EPHA3: variants seen among roughly 807,000 people sequenced by gnomAD.
EPHA3 encodes the protein ephrin type-A receptor 3.
In EPHA3, 42 loss-of-function variants were observed where a neutral mutation model predicts 107.1. That is an observed-to-expected ratio of 0.39 (90% CI 0.31 to 0.51). The LOEUF (loss-of-function observed/expected upper bound fraction) is 0.51. Ranked by LOEUF, EPHA3 falls within the 20% of genes least tolerant of loss-of-function variation. EPHA3 has a pLI of 0.78. For synonymous variants in EPHA3, 461 were observed against 424.8 expected, an observed-to-expected ratio of 1.09 and a Z score of -1.05; for missense variants, 1,183 against 1,211.2, an observed-to-expected ratio of 0.98 and a Z score of 0.35.
At chr3:89,288,566 G>A (rs1383919351) in intron 3 of EPHA3, among the ~76,000 whole-genome samples, 1 of 152,074 alleles carries the variant, frequency 6.6e-6, no homozygotes, top group Admixed American at 6.6e-5. Context: ...TAGAGATACC[G>A]ACTTGAACCA....
chr3:89,222,109 C>T (rs1298296225), intron 3 of EPHA3, among the ~76,000 whole-genome samples: 6 of 151,858 alleles, frequency 4.0e-5, no homozygotes. Flanking sequence ...TTCCATTGCT[C>T]CTGCTGTTGC....
chr3:89,158,419 ACTGT>A (rs1454329852), intron 2 of EPHA3, among the ~76,000 whole-genome samples: 1 of 152,090 alleles, frequency 6.6e-6, no homozygotes, highest in Non-Finnish European at 1.5e-5. Flanking sequence ...TTTCTTTTAC[ACTGT>A]CTATTAAAAG....
intron 2 of EPHA3, among the ~76,000 whole-genome samples, chr3:89,144,847 A>G (rs2107025536): frequency 6.6e-6 from 1 of 151,838 alleles, no homozygotes; most frequent in South Asian, 2.1e-4. Flanking sequence ...AGAGTTGAGG[A>G]AAAAAGTCCA....
At chr3:89,361,210 G>C (rs905801899) in intron 5 of EPHA3, among the ~76,000 whole-genome samples, 1 of 150,878 alleles carries the variant, frequency 6.6e-6, no homozygotes, top group African/African-American at 2.4e-5. Flanking sequence ...AGGCCTTCTT[G>C]TATCCTTTGC....
intron 1 of EPHA3, among the ~76,000 whole-genome samples, chr3:89,113,084 A>G (rs1417851381): frequency 6.6e-6 from 1 of 152,174 alleles, no homozygotes; most frequent in Non-Finnish European, 1.5e-5. Flanking sequence ...CAAGTACACA[A>G]GTAGCTTTCC....
chr3:89,137,155 A>G (rs556504917), intron 2 of EPHA3, among the ~76,000 whole-genome samples: 47 of 152,140 alleles, frequency 3.1e-4, no homozygotes, highest in African/African-American at 9.4e-4. Context: ...TGCATTATTA[A>G]GAAATGGCCT....
At chr3:89,160,683 T>C (rs1447454309) in intron 2 of EPHA3, among the ~76,000 whole-genome samples, 1 of 151,758 alleles carries the variant, frequency 6.6e-6, no homozygotes, top group Non-Finnish European at 1.5e-5. Context: ...GCCCTAAAGA[T>C]TCAACCCTAA....
At chr3:89,478,046 G>T (rs1710551043) in intron 16 of EPHA3, among the ~76,000 whole-genome samples, 1 of 152,060 alleles carries the variant, frequency 6.6e-6, no homozygotes, top group Non-Finnish European at 1.5e-5. Context: ...CATTAGAGGG[G>T]GATGTTTGAG....
At chr3:89,190,490 T>C (rs1329067109) in intron 2 of EPHA3, among the ~76,000 whole-genome samples, 1 of 152,190 alleles carries the variant, frequency 6.6e-6, no homozygotes, top group African/African-American at 2.4e-5. Context: ...ATATATTCTT[T>C]GTTACATATA....
chr3:89,382,412 G>A (rs1337469693), intron 5 of EPHA3, among the ~76,000 whole-genome samples: 1 of 151,474 alleles, frequency 6.6e-6, no homozygotes, highest in Non-Finnish European at 1.5e-5. Flanking sequence ...GGAGGCTGAG[G>A]CAGGAGAATC....
chr3:89,399,824 G>A lies in EPHA3; in HGVS notation c.1594+344G>A, dbSNP rs115944477. On this transcript the variant is annotated intron_variant, in intron 7 of 16. Coordinates refer to ENST00000336596, the MANE Select transcript of EPHA3 (RefSeq NM_005233.6). Reference sequence around the variant, plus strand: ...ATTTCAGATATTCCAGGTTCATTGCGTGATTCAATGAACCACAAAAAAGAA... The same window carrying A: ...ATTTCAGATATTCCAGGTTCATTGCATGATTCAATGAACCACAAAAAAGAA... 2,674 of 1,094,290 alleles carry A rather than the reference G, an allele frequency of 2.4e-3. 54 individuals are homozygous for A. In the African/African-American group the frequency reaches 0.04, roughly 16 times the overall value. The allele number at this position is 1,094,290 out of a possible 1,614,324, so 67.8% of individuals were successfully genotyped here.
chr3:89,270,738 A>G (rs1191879672), intron 3 of EPHA3, among the ~76,000 whole-genome samples: 5 of 112,728 alleles, frequency 4.4e-5, no homozygotes. Flanking sequence ...TTTTTCTTCT[A>G]TTTATTTCTG....
chr3:89,331,065 A>G (rs2107397845), intron 3 of EPHA3, among the ~76,000 whole-genome samples: 1 of 152,242 alleles, frequency 6.6e-6, no homozygotes, highest in Non-Finnish European at 1.5e-5. Flanking sequence ...AGACAGAGTG[A>G]GAGACAGATA....
At chr3:89,358,922 A>G (rs1708025373) in intron 5 of EPHA3, among the ~76,000 whole-genome samples, 1 of 151,152 alleles carries the variant, frequency 6.6e-6, no homozygotes, top group Admixed American at 6.6e-5. Flanking sequence ...AGCACATAGA[A>G]TATGTGAACT....
intron 5 of EPHA3, among the ~76,000 whole-genome samples, chr3:89,370,141 G>A (rs1228932585): frequency 1.3e-5 from 2 of 150,774 alleles, no homozygotes; most frequent in Non-Finnish European, 3.0e-5. Flanking sequence ...ATTTGACCCA[G>A]CCATTCCATT....
In EPHA3 at chr3:89,479,424, G is replaced by A. The variant is rs1710582970; in HGVS notation, c.2874G>A (p.Val958=). The part of the protein sequence containing the change: ...TDDMKKVGVT[V]VGPQKKIISS... Reference sequence around the variant, plus strand: ...ACATGAAAAAGGTTGGTGTCACCGTGGTTGGGCCACAGAAGAAGATCATCA... The same window carrying A: ...ACATGAAAAAGGTTGGTGTCACCGTAGTTGGGCCACAGAAGAAGATCATCA... The change falls in exon 17 of 17, where the codon GTG becomes GTA. Residue 958 remains valine, a synonymous_variant. Coordinates refer to ENST00000336596, the MANE Select transcript of EPHA3 (RefSeq NM_005233.6). The A allele has an allele frequency of 1.9e-6, 3 of 1,613,974 alleles. No homozygotes were observed. Among genetic ancestry groups the A allele is most frequent in the Non-Finnish European group, 2.5e-6 (3 of 1,179,984 alleles).
chr3:89,422,991 C>T (rs1420550573), intron 11 of EPHA3, among the ~76,000 whole-genome samples: 1 of 151,288 alleles, frequency 6.6e-6, no homozygotes, highest in Non-Finnish European at 1.5e-5. Context: ...CATGTGTTAT[C>T]AATTTTAGCT....
intron 2 of EPHA3, among the ~76,000 whole-genome samples, chr3:89,165,389 TC>T (rs1391856729): frequency 6.6e-6 from 1 of 152,200 alleles, no homozygotes; most frequent in African/African-American, 2.4e-5. Flanking sequence ...ATTATACTTT[TC>T]GTAATAATTA....
chr3:89,458,247 C>T (rs1209196526), intron 15 of EPHA3, among the ~76,000 whole-genome samples: 1 of 152,084 alleles, frequency 6.6e-6, no homozygotes, highest in African/African-American at 2.4e-5. Flanking sequence ...TATTAACTCA[C>T]TACGTTGACT....
Sources: allele counts gnomAD v4.1 joint callset (sites outside exome capture counted in the v4.1 genomes callset), GRCh38; gene constraint gnomAD v4.1.1; transcripts MANE v1.5; gene names NCBI Gene and HGNC (gene_info 2026-07-23, HGNC 2026-07-21).